GPATCH2: variants seen among roughly 807,000 people sequenced by gnomAD.
GPATCH2 encodes the protein G patch domain-containing protein 2.
Under a neutral mutation model 58.0 loss-of-function variants are expected in GPATCH2, and 51 were observed. The ratio of observed to expected loss-of-function variants is 0.88; its 90% CI spans 0.70 to 1.11. GPATCH2 has a LOEUF of 1.11. GPATCH2 is among the 50% of genes most tolerant of loss of function. The probability of loss-of-function intolerance (pLI) is 0.00; values close to 1 mark genes in which losing one functional copy is unlikely to be tolerated. For missense variants in GPATCH2, 625 were observed against 652.2 expected (o/e 0.96, Z 0.45); for synonymous variants, 222 against 218.5 (o/e 1.02, Z -0.14).
intron 8 of GPATCH2, among the ~76,000 whole-genome samples, chr1:217,477,816 G>A (rs1321382524): frequency 6.6e-6 from 1 of 152,118 alleles, no homozygotes; most frequent in Non-Finnish European, 1.5e-5. Flanking sequence ...CCTACCTGGG[G>A]TCAGGGAGTG....
intron 5 of GPATCH2, among the ~76,000 whole-genome samples, chr1:217,572,557 A>C (rs958632221): frequency 2.0e-5 from 3 of 152,232 alleles, no homozygotes; most frequent in Non-Finnish European, 4.4e-5. Context: ...TCTGCACAAC[A>C]ACCCCAATGA....
intron 5 of GPATCH2, among the ~76,000 whole-genome samples, chr1:217,526,475 G>A (rs573943455): frequency 6.6e-6 from 1 of 152,020 alleles, no homozygotes; most frequent in African/African-American, 2.4e-5. Context: ...TATTCTTTGC[G>A]GTATGAATAA....
At chr1:217,574,848 A>T (rs1016396757) in intron 5 of GPATCH2, among the ~76,000 whole-genome samples, 1 of 152,220 alleles carries the variant, frequency 6.6e-6, no homozygotes, top group Middle Eastern at 3.2e-3. Flanking sequence ...CTAGCAAACT[A>T]TAAAGAAAGG....
intron 7 of GPATCH2, among the ~76,000 whole-genome samples, chr1:217,493,113 T>A (rs1661829737): frequency 6.6e-6 from 1 of 152,172 alleles, no homozygotes; most frequent in African/African-American, 2.4e-5. Flanking sequence ...CATCCCAGTT[T>A]AGACCACCAT....
chr1:217,455,189 T>C (rs1444546850), intron 8 of GPATCH2, among the ~76,000 whole-genome samples: 1 of 152,148 alleles, frequency 6.6e-6, no homozygotes, highest in African/African-American at 2.4e-5. Flanking sequence ...CCAAGCTTTA[T>C]TCTAGACTTA....
chr1:217,510,579 T>C (rs1662796297), intron 6 of GPATCH2, among the ~76,000 whole-genome samples: 1 of 151,890 alleles, frequency 6.6e-6, no homozygotes, highest in Admixed American at 6.6e-5. Flanking sequence ...CCAAAATTAG[T>C]TCATTGATGA....
intron 5 of GPATCH2, among the ~76,000 whole-genome samples, chr1:217,594,738 GAAATC>G (rs1173495912): frequency 6.6e-6 from 1 of 152,176 alleles, no homozygotes; most frequent in African/African-American, 2.4e-5. Context: ...CCTCCTAAAT[GAAATC>G]AAGGATTACT....
intron 5 of GPATCH2, among the ~76,000 whole-genome samples, chr1:217,582,293 C>T (rs968405379): frequency 2.0e-5 from 3 of 151,992 alleles, no homozygotes; most frequent in Non-Finnish European, 2.9e-5. Flanking sequence ...AAAAACACTA[C>T]CTAAATCCTA....
chr1:217,510,539 A>G (rs1013154954), intron 6 of GPATCH2, among the ~76,000 whole-genome samples: 6 of 151,910 alleles, frequency 3.9e-5, no homozygotes, highest in African/African-American at 1.4e-4. Flanking sequence ...ATAAAATTTT[A>G]TTAGAAAGGC....
chr1:217,620,012 T>C lies in GPATCH2; in HGVS notation c.544A>G (p.Thr182Ala). The change falls in exon 2 of 10, where the codon ACC becomes GCC. Residue 182 changes from threonine (T) to alanine (A), a missense_variant. Transcript: ENST00000366935. ...TCTCTACAACCCTCAGGTGGCTGGG[T>C]CATTGTCCGTTTGTTAGAGATGTCC... is the stretch of plus-strand genomic sequence containing the variant. Reference protein sequence around the residue: ...PQDISNKRTMTQPPEGCRDQD... With the variant: ...PQDISNKRTMAQPPEGCRDQD... The C allele has an allele frequency of 6.2e-7, 1 of 1,614,024 alleles. No individual in the cohort carries two copies. Among genetic ancestry groups the C allele is most frequent in the Non-Finnish European group, 8.5e-7 (1 of 1,179,956 alleles).
intron 2 of GPATCH2, among the ~76,000 whole-genome samples, chr1:217,616,941 A>G (rs1354409763): frequency 6.6e-6 from 1 of 152,152 alleles, no homozygotes; most frequent in Non-Finnish European, 1.5e-5. Flanking sequence ...TTGGTCTCAA[A>G]TACTCTCAAA....
At chr1:217,531,066 C>CAT (rs1174379199) in intron 5 of GPATCH2, among the ~76,000 whole-genome samples, 3 of 97,584 alleles carry the variant, frequency 3.1e-5, no homozygotes, top group Non-Finnish European at 7.4e-5. Context: ...CACACACACA[C>CAT]ACACACTTTA....
At chr1:217,484,965 TAA>T (rs1354757443) in intron 8 of GPATCH2, among the ~76,000 whole-genome samples, 3 of 152,146 alleles carry the variant, frequency 2.0e-5, no homozygotes, top group African/African-American at 7.2e-5. Flanking sequence ...CCATGTGGGT[TAA>T]GTTTTCTATG....
intron 9 of GPATCH2, among the ~76,000 whole-genome samples, chr1:217,436,797 C>T (rs568167022): frequency 5.3e-5 from 8 of 152,198 alleles, no homozygotes; most frequent in African/African-American, 1.9e-4. Flanking sequence ...AATTCAGCTG[C>T]CCGAAGTCAA....
intron 1 of GPATCH2, among the ~76,000 whole-genome samples, chr1:217,628,593 T>C (rs915906765): frequency 2.0e-5 from 3 of 150,326 alleles, no homozygotes; most frequent in Non-Finnish European, 3.0e-5. Flanking sequence ...TCAAAATACC[T>C]AATAGGAATG....
chr1:217,487,899 C>T (rs1333590488), intron 8 of GPATCH2, among the ~76,000 whole-genome samples: 2 of 152,112 alleles, frequency 1.3e-5, no homozygotes, highest in African/African-American at 2.4e-5. Flanking sequence ...CACACCACCA[C>T]GCCTAGCTAA....
intron 5 of GPATCH2, chr1:217,609,082 A>G (rs1471853324): frequency 3.2e-5 from 25 of 791,806 alleles, no homozygotes; most frequent in Non-Finnish European, 2.1e-5. Flanking sequence ...CACATATTAA[A>G]TCACATTGTT....
intron 8 of GPATCH2, among the ~76,000 whole-genome samples, chr1:217,461,666 T>C (rs1660204128): frequency 6.6e-6 from 1 of 152,184 alleles, no homozygotes; most frequent in Non-Finnish European, 1.5e-5. Context: ...TACAGAACAC[T>C]ACAAAACATA....
chr1:217,577,305 T>C (rs1265916666), intron 5 of GPATCH2, among the ~76,000 whole-genome samples: 1 of 152,190 alleles, frequency 6.6e-6, no homozygotes, highest in Non-Finnish European at 1.5e-5. Flanking sequence ...AACACTTTTA[T>C]TGTGAGAGGT....
Sources: allele counts gnomAD v4.1 joint callset (sites outside exome capture counted in the v4.1 genomes callset), GRCh38; gene constraint gnomAD v4.1.1; transcripts MANE v1.5; gene names NCBI Gene and HGNC (gene_info 2026-07-23, HGNC 2026-07-21).